Variants in NTM observed in about 807,000 individuals in gnomAD.
NTM encodes IgLON family member 2.
NTM carries 13 observed loss-of-function variants against 42.1 expected under a neutral mutation model. The observed-to-expected ratio is 0.31, with a 90% CI of 0.20 to 0.49. The LOEUF (loss-of-function observed/expected upper bound fraction) is 0.49. Among genes scored for constraint, NTM ranks in the 20% least tolerant of loss-of-function variants. The pLI is 0.99. For synonymous variants in NTM, 187 were observed against 179.2 expected, an observed-to-expected ratio of 1.04 and a Z score of -0.35; for missense variants, 373 against 452.8, an observed-to-expected ratio of 0.82 and a Z score of 1.60.
chr11:132,117,600 G>A (rs967860339), intron 2 of NTM, among the ~76,000 whole-genome samples: 2 of 152,152 alleles, frequency 1.3e-5, no homozygotes, highest in African/African-American at 4.8e-5. Context: ...GCTAAAATCT[G>A]TTGGGCTGAT....
chr11:131,445,930 T>C (rs1950023130), intron 1 of NTM, among the ~76,000 whole-genome samples: 1 of 152,218 alleles, frequency 6.6e-6, no homozygotes, highest in South Asian at 2.1e-4. Context: ...CAAGGATAGA[T>C]CTGAGTAATT....
At chr11:132,050,394 G>T (rs182831271) in intron 2 of NTM, among the ~76,000 whole-genome samples, 1 of 152,234 alleles carries the variant, frequency 6.6e-6, no homozygotes, top group East Asian at 1.9e-4. Flanking sequence ...GGATTTTCTT[G>T]CTCTGGAAAT....
At position 131,403,502 on chromosome 11, in the gene NTM, CAGAA is replaced by C. The variant is rs201920796; in HGVS notation, c.82+32624_82+32627del. ...AACCTTCATAACTAGATATTGCTGG[CAGAA>C]AGAAAGAAACAAACAAACAAACAAC... On this transcript the variant is annotated intron_variant, in intron 1 of 8. Coordinates refer to ENST00000683400, the MANE Select transcript of NTM (RefSeq NM_001352005.2). Among the ~76,000 whole-genome samples the C allele has an allele frequency of 9.7e-4, 148 of 151,994 alleles. 2 individuals are homozygous for C. The East Asian group carries it at 0.026, about 27-fold the overall frequency.
chr11:131,371,285 A>G (rs982536033), intron 1 of NTM, among the ~76,000 whole-genome samples: 6 of 152,228 alleles, frequency 3.9e-5, no homozygotes, highest in Non-Finnish European at 8.8e-5. Context: ...AAATTACAAG[A>G]GGAAACTTTA....
chr11:131,865,669 C>A (rs2047059049), intron 1 of NTM, among the ~76,000 whole-genome samples: 1 of 152,020 alleles, frequency 6.6e-6, no homozygotes, highest in South Asian at 2.1e-4. Context: ...GTACACACTA[C>A]ACACACACTC....
chr11:132,108,248 G>A (rs11222930), intron 2 of NTM, among the ~76,000 whole-genome samples: 77,747 of 151,962 alleles, frequency 0.51, 20,145 homozygotes, highest in Non-Finnish European at 0.53. Context: ...AGTTTAATCC[G>A]CTGTCATCAA....
intron 4 of NTM, among the ~76,000 whole-genome samples, chr11:132,264,973 C>T (rs1416627251): frequency 6.6e-6 from 1 of 152,136 alleles, no homozygotes; most frequent in African/African-American, 2.4e-5. Context: ...CTAATTGCTT[C>T]CCAAAAGCTC....
At chr11:132,199,519 C>T (rs142724165) in intron 3 of NTM, among the ~76,000 whole-genome samples, 179 of 152,258 alleles carry the variant, frequency 1.2e-3, no homozygotes, top group African/African-American at 4.3e-3. Context: ...CACACAATTG[C>T]ATTTCTCATA....
At chr11:131,634,899 T>C (rs2064170745) in intron 1 of NTM, among the ~76,000 whole-genome samples, 1 of 152,234 alleles carries the variant, frequency 6.6e-6, no homozygotes, top group South Asian at 2.1e-4. Flanking sequence ...AGGAGTTAGA[T>C]TTGGATATGA....
chr11:132,165,917 C>T (rs911700026), intron 3 of NTM, among the ~76,000 whole-genome samples: 3 of 152,060 alleles, frequency 2.0e-5, no homozygotes, highest in African/African-American at 7.2e-5. Flanking sequence ...CTGTACAGTG[C>T]CTTGAGCACC....
At chr11:132,222,325 T>C (rs764814263) in intron 4 of NTM, among the ~76,000 whole-genome samples, 25 of 152,214 alleles carry the variant, frequency 1.6e-4, no homozygotes, top group African/African-American at 6.0e-4. Context: ...GTTTTCCTCA[T>C]GTTAAATGCT....
At chr11:132,014,743 T>G (rs1431491221) in intron 2 of NTM, among the ~76,000 whole-genome samples, 1 of 144,050 alleles carries the variant, frequency 6.9e-6, no homozygotes, top group Non-Finnish European at 1.5e-5. Flanking sequence ...CTTGTTTTTT[T>G]TTTTTTTTTT....
intron 2 of NTM, among the ~76,000 whole-genome samples, chr11:132,111,063 C>A (rs1591580580): frequency 2.8e-5 from 1 of 35,440 alleles, no homozygotes; most frequent in Admixed American, 5.2e-4. Flanking sequence ...GGCCCTATCT[C>A]AAAAAAAAAA....
At chr11:131,847,236 A>C (rs2045017049) in intron 1 of NTM, among the ~76,000 whole-genome samples, 1 of 152,188 alleles carries the variant, frequency 6.6e-6, no homozygotes, top group South Asian at 2.1e-4. Flanking sequence ...GTGATTACTC[A>C]ATAGCAAACT....
At chr11:131,591,585 T>C (rs2059374697) in intron 1 of NTM, among the ~76,000 whole-genome samples, 1 of 152,220 alleles carries the variant, frequency 6.6e-6, no homozygotes, top group Admixed American at 6.5e-5. Context: ...CCAGCTCAAA[T>C]GAGCCAAGGC....
intron 2 of NTM, among the ~76,000 whole-genome samples, chr11:132,011,851 C>A (rs1409787494): frequency 6.6e-6 from 1 of 152,172 alleles, no homozygotes; most frequent in Non-Finnish European, 1.5e-5. Context: ...CTTGTAATAC[C>A]TTTTCCCTAT....
At chr11:131,809,807 G>A (rs2136299345) in intron 1 of NTM, among the ~76,000 whole-genome samples, 1 of 152,278 alleles carries the variant, frequency 6.6e-6, no homozygotes, top group East Asian at 1.9e-4. Context: ...TGAGACAGCA[G>A]CCCTTCTGTG....
At chr11:131,392,345 G>T (rs1010906340) in intron 1 of NTM, among the ~76,000 whole-genome samples, 4 of 144,492 alleles carry the variant, frequency 2.8e-5, no homozygotes, top group African/African-American at 1.0e-4. Flanking sequence ...GAAGGGATGG[G>T]AGTCCTGTGT....
At chr11:131,457,378 C>A (rs1172974770) in intron 1 of NTM, among the ~76,000 whole-genome samples, 3 of 151,854 alleles carry the variant, frequency 2.0e-5, no homozygotes, top group East Asian at 3.9e-4. Context: ...AGCCGAGAAG[C>A]CACAGGAACC....
Sources: gnomAD v4.1 joint callset for allele counts (sites outside exome capture counted in the v4.1 genomes callset) on GRCh38, gnomAD v4.1.1 for gene constraint, MANE v1.5 for transcripts, NCBI Gene and HGNC (gene_info 2026-07-23, HGNC 2026-07-21) for gene names.